OSBP: variants seen among roughly 807,000 people sequenced by gnomAD.
The protein encoded by OSBP is oxysterol-binding protein 1.
A neutral mutation model predicts 96.6 loss-of-function variants in OSBP; 32 were observed. The observed-to-expected ratio is 0.33, with a 90% CI of 0.25 to 0.45. The LOEUF (loss-of-function observed/expected upper bound fraction) is 0.45, where lower values mean the gene tolerates loss of function less well. Ranked by LOEUF, OSBP falls within the 20% of genes least tolerant of loss-of-function variation. The pLI, the probability that OSBP is intolerant of heterozygous loss-of-function variation, is 1.00. For missense variants in OSBP, 653 were observed against 1,029.7 expected (o/e 0.63, Z 5.01); for synonymous variants, 369 against 389.6 (o/e 0.95, Z 0.62).
chr11:59,613,548 C>T (rs1182105342), intron 1 of OSBP, among the ~76,000 whole-genome samples: 1 of 151,964 alleles, frequency 6.6e-6, no homozygotes, highest in Non-Finnish European at 1.5e-5. Context: ...TTAATATTGA[C>T]TTGCGACACA....
intron 1 of OSBP, among the ~76,000 whole-genome samples, chr11:59,612,382 C>T (rs558522415): frequency 3.3e-5 from 5 of 152,268 alleles, no homozygotes; most frequent in African/African-American, 7.2e-5. Flanking sequence ...CAGGCCAGCT[C>T]GCTCATGTTT....
rs536494057 is a variant in OSBP, at chr11:59,585,195, G to A, written c.1679-3641C>T. Among the ~76,000 whole-genome samples the A allele has an allele frequency of 2.2e-4, 33 of 151,484 alleles. No individual in the cohort carries two copies. In the South Asian group the frequency reaches 5.2e-3, roughly 24 times the overall value. On this transcript the variant is annotated intron_variant, in intron 9 of 13. Coordinates refer to ENST00000263847, the MANE Select transcript of OSBP (RefSeq NM_002556.3). Reference sequence around the variant, plus strand: ...CCATCCCATCTAGGAAGTGAGGAGCGCCTCTTCCCGGCCGCCATCACATCT... The same window carrying A: ...CCATCCCATCTAGGAAGTGAGGAGCACCTCTTCCCGGCCGCCATCACATCT...
intron 9 of OSBP, among the ~76,000 whole-genome samples, chr11:59,586,594 A>G (rs1288573966): frequency 2.6e-5 from 4 of 152,230 alleles, no homozygotes. Context: ...ACCACAAAAT[A>G]GCCAAAGAAC....
intron 3 of OSBP, among the ~76,000 whole-genome samples, chr11:59,607,315 A>G (rs932675488): frequency 6.6e-6 from 1 of 152,226 alleles, no homozygotes; most frequent in African/African-American, 2.4e-5. Context: ...TCAGAAACAC[A>G]AGCACCCTGA....
intron 7 of OSBP, among the ~76,000 whole-genome samples, chr11:59,598,334 A>G (rs1016250670): frequency 1.3e-5 from 2 of 152,222 alleles, no homozygotes; most frequent in African/African-American, 4.8e-5. Flanking sequence ...CATAGCTTCA[A>G]GAGGGTAGGG....
Position 59,576,562 on chromosome 11 carries a change from T to G in OSBP, c.*15A>C. 1 of 1,610,920 alleles carries G rather than the reference T, an allele frequency of 6.2e-7. No homozygotes were observed. Among genetic ancestry groups the G allele is most frequent in the Non-Finnish European group, 8.5e-7 (1 of 1,178,972 alleles). The stretch of plus-strand genomic sequence containing the variant: ...TCTTCTCCATTATATGCTCCTCTTT[T>G]TTGTTACTGCCGTTTCAGAAAATGT... On this transcript the variant is annotated 3_prime_UTR_variant, in exon 14 of 14. Coordinates refer to ENST00000263847, the MANE Select transcript of OSBP (RefSeq NM_002556.3).
chr11:59,600,447 A>G (rs1487597659), intron 7 of OSBP, 49 bp downstream of exon 7: 11 of 1,601,310 alleles, frequency 6.9e-6, no homozygotes, highest in Non-Finnish European at 9.4e-6. Context: ...CTTCCCACTG[A>G]GGCTTGAGAG....
intron 7 of OSBP, among the ~76,000 whole-genome samples, chr11:59,594,822 G>A (rs980631453): frequency 6.6e-6 from 1 of 152,166 alleles, no homozygotes; most frequent in East Asian, 1.9e-4. Context: ...GGAGTGAAGT[G>A]CTCATGATGG....
At chr11:59,600,449 G>A in intron 7 of OSBP, 47 bp downstream of exon 7, 1 of 1,604,816 alleles carries the variant, frequency 6.2e-7, no homozygotes, top group Non-Finnish European at 8.5e-7. Flanking sequence ...TCCCACTGAG[G>A]CTTGAGAGGA....
At chr11:59,613,723 C>T (rs981023851) in intron 1 of OSBP, among the ~76,000 whole-genome samples, 1 of 152,184 alleles carries the variant, frequency 6.6e-6, no homozygotes, top group African/African-American at 2.4e-5. Context: ...TAATTAAAAT[C>T]AATTCTGAAT....
chr11:59,576,531 C>G lies in OSBP; in HGVS notation c.*46G>C. On this transcript the variant is annotated 3_prime_UTR_variant, in exon 14 of 14. Coordinates refer to ENST00000263847, the MANE Select transcript of OSBP (RefSeq NM_002556.3). ...AACTTCCAGCTTTCCCACACATCCT[C>G]TGTCCTCTTCTCCATTATATGCTCC... 6.3e-7 allele frequency: 1 copy of G among 1,587,216 alleles called. No homozygotes were observed. Among genetic ancestry groups the G allele is most frequent in the Non-Finnish European group, 8.6e-7 (1 of 1,166,620 alleles).
Position 59,601,841 on chromosome 11 carries a change from G to A in OSBP, c.823-3C>T, listed in dbSNP as rs1860728606. 1.9e-6 allele frequency: 3 copies of A among 1,613,614 alleles called. No individual in the cohort carries two copies. The highest frequency in any genetic ancestry group is 2.5e-6 in the Non-Finnish European group (3 of 1,179,710). ...AACATGAGGAAATCTCTGCAGGCCT[G>A]TATGGAGAAAGCGTTGACTGTGTCA... On this transcript the variant is annotated splice_region_variant and splice_polypyrimidine_tract_variant and intron_variant, in intron 3 of 13. Transcript: ENST00000263847.
chr11:59,583,819 T>C (rs1015125271), intron 9 of OSBP, among the ~76,000 whole-genome samples: 2 of 151,732 alleles, frequency 1.3e-5, no homozygotes. Flanking sequence ...TTTGTATTTT[T>C]AGTAGAGACA....
intron 5 of OSBP, 112 bp from the exon 6 acceptor site, chr11:59,600,985 G>A (rs1860716682): frequency 3.5e-6 from 3 of 846,012 alleles, no homozygotes; most frequent in South Asian, 1.5e-5. Flanking sequence ...ACTTATTGAT[G>A]GGTGATCAAA....
intron 9 of OSBP, among the ~76,000 whole-genome samples, chr11:59,588,552 A>T (rs1016374599): frequency 1.3e-5 from 2 of 151,560 alleles, no homozygotes; most frequent in African/African-American, 4.9e-5. Flanking sequence ...AAAAAAAAAA[A>T]ATTATTTTTT....
chr11:59,610,306 A>G (rs1419915150), intron 2 of OSBP, 75 bp downstream of exon 2: 2 of 1,226,860 alleles, frequency 1.6e-6, no homozygotes, highest in East Asian at 2.3e-5. Flanking sequence ...GACACAGCAT[A>G]ATGATGACAA....
chr11:59,576,437 T>A lies in OSBP; in HGVS notation c.*140A>T. ...CACCACCACTGGTGTCTCCTTCTGGTGATTGATTTGGAAAAAATGATTGGT... is the reference window on the plus strand; with the variant it reads ...CACCACCACTGGTGTCTCCTTCTGGAGATTGATTTGGAAAAAATGATTGGT... On this transcript the variant is annotated 3_prime_UTR_variant, in exon 14 of 14. Coordinates refer to ENST00000263847, the MANE Select transcript of OSBP (RefSeq NM_002556.3). The A allele has an allele frequency of 2.1e-6, 2 of 942,112 alleles. No individual in the cohort carries two copies. Among genetic ancestry groups the A allele is most frequent in the Non-Finnish European group, 3.2e-6 (2 of 628,086 alleles). The allele number at this position is 942,112 out of a possible 1,614,324, so 58.4% of individuals were successfully genotyped here. A position where few individuals can be genotyped will look rare whatever the true frequency, so the allele number is the denominator to read the frequency against.
rs769335323 is a variant in OSBP at position 59,576,547 on chromosome 11, T to C, written c.*30A>G. 3 of 1,607,274 alleles carry C rather than the reference T, an allele frequency of 1.9e-6. No individual in the cohort carries two copies. The highest frequency in any genetic ancestry group is 1.7e-6 in the Non-Finnish European group (2 of 1,177,068). ...ACACATCCTCTGTCCTCTTCTCCAT[T>C]ATATGCTCCTCTTTTTTGTTACTGC... On this transcript the variant is annotated 3_prime_UTR_variant, in exon 14 of 14. Coordinates refer to ENST00000263847, the MANE Select transcript of OSBP (RefSeq NM_002556.3).
intron 1 of OSBP, among the ~76,000 whole-genome samples, chr11:59,612,988 T>TA (rs1302663731): frequency 6.6e-6 from 1 of 152,142 alleles, no homozygotes; most frequent in Non-Finnish European, 1.5e-5. Flanking sequence ...CAATCCCACT[T>TA]AAAAGGAAAA....
Sources: gnomAD v4.1 joint callset for allele counts (sites outside exome capture counted in the v4.1 genomes callset) on GRCh38, gnomAD v4.1.1 for gene constraint, MANE v1.5 for transcripts, NCBI Gene and HGNC (gene_info 2026-07-23, HGNC 2026-07-21) for gene names.